STXBP5L: variants seen among roughly 807,000 people sequenced by gnomAD.
The protein encoded by STXBP5L is syntaxin-binding protein 5-like.
Under a neutral mutation model 144.5 loss-of-function variants are expected in STXBP5L, and 65 were observed. That is an observed-to-expected ratio of 0.45 (90% CI 0.37 to 0.55). The LOEUF is 0.55. Among genes scored for constraint, STXBP5L ranks in the 20% least tolerant of loss-of-function variants. STXBP5L has a pLI of 0.00. For missense variants in STXBP5L, 1,298 were observed against 1,405.5 expected, an observed-to-expected ratio of 0.92 and a Z score of 1.22; for synonymous variants, 505 against 469.6, an observed-to-expected ratio of 1.08 and a Z score of -0.97.
At chr3:121,301,793 A>G (rs1291719103) in intron 19 of STXBP5L, among the ~76,000 whole-genome samples, 1 of 152,144 alleles carries the variant, frequency 6.6e-6, no homozygotes, top group African/African-American at 2.4e-5. Context: ...TTCTGCATCT[A>G]TTGAGATAAT....
rs1438784730 is a variant in STXBP5L at position 121,401,624 on chromosome 3, C to G, written c.2588-5619C>G. ...ATGGATGAAATTGGAAACCATCATT[C>G]TCAGTAAACTATCGCAAGAACAAAA... On this transcript the variant is annotated intron_variant, in intron 22 of 26. Transcript: ENST00000471454. 3.1e-5 allele frequency among the ~76,000 whole-genome samples: 4 copies of G among 129,652 alleles called. No individual in the cohort carries two copies. The South Asian group carries it at 8.8e-4, about 29-fold the overall frequency. The allele number at this position is 129,652 out of a possible 152,430, so 85.1% of individuals were successfully genotyped here. A position where few individuals can be genotyped will look rare whatever the true frequency, so the allele number is the denominator to read the frequency against.
chr3:121,256,871 A>G (rs2108380288), intron 16 of STXBP5L, among the ~76,000 whole-genome samples: 1 of 151,650 alleles, frequency 6.6e-6, no homozygotes, highest in South Asian at 2.1e-4. Flanking sequence ...TTTATTATAT[A>G]AAAACTTTAT....
intron 3 of STXBP5L, among the ~76,000 whole-genome samples, chr3:121,002,035 C>G (rs1943824072): frequency 6.6e-6 from 1 of 152,166 alleles, no homozygotes; most frequent in African/African-American, 2.4e-5. Context: ...GCAGATATAT[C>G]TATGACATAC....
At chr3:121,191,182 G>A (rs538419181) in intron 9 of STXBP5L, among the ~76,000 whole-genome samples, 1 of 152,290 alleles carries the variant, frequency 6.6e-6, no homozygotes, top group East Asian at 1.9e-4. Context: ...GGGAGGCCAA[G>A]GCAGGCGGCT....
intron 9 of STXBP5L, among the ~76,000 whole-genome samples, chr3:121,191,174 G>A (rs61796885): frequency 0.041 from 6,291 of 152,256 alleles, 196 homozygotes; most frequent in Non-Finnish European, 0.06. Context: ...GGCACTTTGG[G>A]AGGCCAAGGC....
At chr3:121,051,439 A>G (rs1196923738) in intron 5 of STXBP5L, among the ~76,000 whole-genome samples, 2 of 152,208 alleles carry the variant, frequency 1.3e-5, no homozygotes, top group Non-Finnish European at 2.9e-5. Flanking sequence ...AACTCACTCA[A>G]AACCGCTCAA....
At chr3:120,997,034 T>C (rs1576610364) in intron 3 of STXBP5L, among the ~76,000 whole-genome samples, 2 of 152,284 alleles carry the variant, frequency 1.3e-5, no homozygotes, top group African/African-American at 4.8e-5. Context: ...CTTATGTAAG[T>C]GAGAACATGC....
chr3:121,070,717 C>T (rs1422654620), intron 5 of STXBP5L, among the ~76,000 whole-genome samples: 1 of 151,908 alleles, frequency 6.6e-6, no homozygotes, highest in Non-Finnish European at 1.5e-5. Flanking sequence ...TTTTTCTTGT[C>T]CTAGATTTTT....
chr3:121,236,331 A>G (rs1314057748), intron 12 of STXBP5L, among the ~76,000 whole-genome samples: 1 of 152,178 alleles, frequency 6.6e-6, no homozygotes, highest in Non-Finnish European at 1.5e-5. Context: ...TTATATTGTT[A>G]TAAAGGAATA....
At chr3:121,412,307 TGAGA>T (rs2047130612) in intron 23 of STXBP5L, among the ~76,000 whole-genome samples, 1 of 152,138 alleles carries the variant, frequency 6.6e-6, no homozygotes, top group Admixed American at 6.6e-5. Flanking sequence ...CACACAGGGC[TGAGA>T]AAGAAAGTGT....
intron 9 of STXBP5L, 103 bp downstream of exon 9, chr3:121,157,730 A>G: frequency 1.4e-6 from 2 of 1,454,696 alleles, no homozygotes; most frequent in Admixed American, 2.6e-5. Context: ...AAGTAATAGG[A>G]CATAGCTTCT....
rs928903084 is a variant in STXBP5L, at chr3:121,420,243, C to T, written c.*1146C>T. 5 of 152,122 alleles carry T rather than the reference C, an allele frequency of 3.3e-5. No homozygotes were observed. The highest frequency in any genetic ancestry group is 1.2e-4 in the African/African-American group (5 of 41,454). 9.4% of individuals were successfully genotyped at this position (152,122 alleles called of 1,614,324 possible). On this transcript the variant is annotated 3_prime_UTR_variant, in exon 27 of 27. Coordinates refer to ENST00000471454, the MANE Select transcript of STXBP5L (RefSeq NM_001308330.2). ...TTACAAGGGCTTTCCTTAGAAAATA[C>T]CTTTCGGTTTGATACTTACCACTGG...
At chr3:121,211,412 C>A (rs753168378) in intron 10 of STXBP5L, among the ~76,000 whole-genome samples, 10 of 151,936 alleles carry the variant, frequency 6.6e-5, no homozygotes, top group Non-Finnish European at 1.2e-4. Context: ...AATTGAAAAC[C>A]CTTTCTTTCT....
intron 18 of STXBP5L, 127 bp from the exon 19 acceptor site, chr3:121,279,678 A>G: frequency 2.8e-6 from 3 of 1,077,450 alleles, no homozygotes; most frequent in Non-Finnish European, 4.1e-6. Context: ...TCTTGACTTT[A>G]CACAAATCAC....
chr3:121,097,306 C>T (rs1007356462), intron 5 of STXBP5L, among the ~76,000 whole-genome samples: 1 of 152,174 alleles, frequency 6.6e-6, no homozygotes, highest in Non-Finnish European at 1.5e-5. Flanking sequence ...CACCCCTTTC[C>T]AGGGGAGTGA....
chr3:120,996,187 G>GTTTTA (rs1553766917), intron 3 of STXBP5L, among the ~76,000 whole-genome samples: 1 of 151,476 alleles, frequency 6.6e-6, no homozygotes, highest in Non-Finnish European at 1.5e-5. Flanking sequence ...GTTTTGTTTT[G>GTTTTA]TTTTAGTTTT....
chr3:120,953,992 TGAAA>T (rs1937740030), intron 2 of STXBP5L, among the ~76,000 whole-genome samples: 1 of 152,148 alleles, frequency 6.6e-6, no homozygotes, highest in Non-Finnish European at 1.5e-5. Flanking sequence ...AAAGAAAAGT[TGAAA>T]GAATTATATT....
intron 3 of STXBP5L, among the ~76,000 whole-genome samples, chr3:120,993,744 G>A (rs1943115885): frequency 6.6e-6 from 1 of 151,990 alleles, no homozygotes; most frequent in African/African-American, 2.4e-5. Flanking sequence ...GATGCTTCCA[G>A]CTTTGTTCTT....
intron 8 of STXBP5L, among the ~76,000 whole-genome samples, chr3:121,153,829 C>T (rs908469045): frequency 1.3e-5 from 2 of 151,860 alleles, no homozygotes; most frequent in South Asian, 4.1e-4. Flanking sequence ...TCAAATTCTT[C>T]AGCATCTTGA....
Sources: allele counts gnomAD v4.1 joint callset (sites outside exome capture counted in the v4.1 genomes callset), GRCh38; gene constraint gnomAD v4.1.1; transcripts MANE v1.5; gene names NCBI Gene and HGNC (gene_info 2026-07-23, HGNC 2026-07-21).